Variants in WWC1 observed in about 807,000 individuals in gnomAD.
The protein encoded by WWC1 is protein KIBRA.
A neutral mutation model predicts 138.4 loss-of-function variants in WWC1; 55 were observed. The observed-to-expected ratio is 0.40, with a 90% CI of 0.32 to 0.50. The LOEUF (loss-of-function observed/expected upper bound fraction) is 0.50, where lower values mean the gene tolerates loss of function less well. Among genes scored for constraint, WWC1 ranks in the 20% least tolerant of loss-of-function variants. The pLI, the probability that WWC1 is intolerant of heterozygous loss-of-function variation, is 0.72. For missense variants in WWC1, 1,226 were observed against 1,420.4 expected, an observed-to-expected ratio of 0.86 and a Z score of 2.20; for synonymous variants, 524 against 564.9, an observed-to-expected ratio of 0.93 and a Z score of 1.03.
Position 168,423,871 on chromosome 5 carries a change from CCT to C in WWC1, c.1621_1622del (p.Ser541LeufsTer12), listed in dbSNP as rs775438364. 1.2e-6 allele frequency: 2 copies of C among 1,614,090 alleles called. No homozygotes were observed. Among genetic ancestry groups the C allele is most frequent in the Non-Finnish European group, 1.7e-6 (2 of 1,179,984 alleles). ...TCCATGACCTCCCTATCCCCACGTT[CCT>C]CTCTCTCCTCCCCCTCCCCACCCTG... On this transcript the variant is annotated frameshift_variant, in exon 11 of 23. Transcript: ENST00000265293. LOFTEE classifies it high-confidence loss of function.
chr5:168,447,143 C>G (rs1242113456), intron 17 of WWC1, among the ~76,000 whole-genome samples: 4 of 152,224 alleles, frequency 2.6e-5, no homozygotes, highest in Admixed American at 2.6e-4. Context: ...AAAACAGCCA[C>G]TATGTCATGG....
chr5:168,323,411 G>A (rs533238874), intron 1 of WWC1, among the ~76,000 whole-genome samples: 17 of 152,200 alleles, frequency 1.1e-4, no homozygotes, highest in African/African-American at 4.1e-4. Context: ...AGCCAGGCGT[G>A]GGGTATGTGC....
intron 15 of WWC1, among the ~76,000 whole-genome samples, chr5:168,433,166 TGGTTCTCTGAA>T (rs1782081223): frequency 6.6e-6 from 1 of 152,184 alleles, no homozygotes; most frequent in Non-Finnish European, 1.5e-5. Flanking sequence ...TTCCTGGAGG[TGGTTCTCTGAA>T]GACTAACTAA....
At chr5:168,294,156 C>G (rs891149346) in intron 1 of WWC1, among the ~76,000 whole-genome samples, 1 of 152,062 alleles carries the variant, frequency 6.6e-6, no homozygotes, top group African/African-American at 2.4e-5. Flanking sequence ...AATAGGAGGC[C>G]CCTCTCAACA....
chr5:168,401,363 C>A (rs1312176992), intron 5 of WWC1, among the ~76,000 whole-genome samples: 1 of 152,168 alleles, frequency 6.6e-6, no homozygotes, highest in African/African-American at 2.4e-5. Flanking sequence ...GAGGCCACAC[C>A]TGTATGGATG....
At chr5:168,468,856 A>G (rs953079246) in intron 22 of WWC1, 95 bp from the exon 23 acceptor site, 18 of 1,338,034 alleles carry the variant, frequency 1.3e-5, no homozygotes, top group African/African-American at 2.9e-5. Flanking sequence ...CAGCGAATGT[A>G]TAGGACAGCT....
intron 1 of WWC1, among the ~76,000 whole-genome samples, chr5:168,357,448 C>CTGTGTGTGTGTGTGTGTGTGTG (rs67198550): frequency 1.5e-5 from 2 of 134,470 alleles, no homozygotes; most frequent in Non-Finnish European, 3.1e-5. Flanking sequence ...AACCTGCCTT[C>CTGTGTGTGTGTGTGTGTGTGTG]TGTGTGTGTG....
intron 3 of WWC1, among the ~76,000 whole-genome samples, chr5:168,389,416 A>G (rs1045999091): frequency 6.1e-5 from 9 of 148,628 alleles, no homozygotes; most frequent in African/African-American, 2.0e-4. Flanking sequence ...GCACCACTGC[A>G]CTCCAGCTTG....
chr5:168,316,061 C>A (rs1229208575), intron 1 of WWC1, among the ~76,000 whole-genome samples: 1 of 152,154 alleles, frequency 6.6e-6, no homozygotes, highest in Admixed American at 6.5e-5. Context: ...GCTCAGGCCT[C>A]CCCCCTCTTT....
intron 15 of WWC1, among the ~76,000 whole-genome samples, chr5:168,440,124 C>A (rs1040770965): frequency 1.3e-5 from 2 of 152,024 alleles, no homozygotes; most frequent in African/African-American, 4.8e-5. Flanking sequence ...AAAAATCAAC[C>A]CAATTTGAAA....
intron 3 of WWC1, among the ~76,000 whole-genome samples, chr5:168,395,106 C>A (rs1356386197): frequency 2.0e-5 from 3 of 152,204 alleles, no homozygotes; most frequent in Non-Finnish European, 4.4e-5. Context: ...CGATGCATGC[C>A]TCAAGTCAGC....
rs1443047240 is a variant in WWC1, at chr5:168,470,736, AG to A, written c.*1721del. On this transcript the variant is annotated 3_prime_UTR_variant, in exon 23 of 23. Coordinates refer to ENST00000265293, the MANE Select transcript of WWC1 (RefSeq NM_015238.3). ...GTAATCCCAGCTACTTGGGTGGCCA[AG>A]GCTTGAACCCAGGAGGCGGAGGTTG... The A allele has an allele frequency of 6.6e-6, 1 of 152,008 alleles. No individual in the cohort carries two copies. Among genetic ancestry groups the A allele is most frequent in the African/African-American group, 2.4e-5 (1 of 41,380 alleles). The allele number at this position is 152,008 out of a possible 1,614,324, so 9.4% of individuals were successfully genotyped here.
At chr5:168,453,863 T>G in intron 17 of WWC1, 105 bp from the exon 18 acceptor site, 1 of 1,543,562 alleles carries the variant, frequency 6.5e-7, no homozygotes, top group Middle Eastern at 2.4e-4. Context: ...AAATATATCT[T>G]CAATCATCAA....
At chr5:168,400,126 A>G (rs938251080) in intron 5 of WWC1, among the ~76,000 whole-genome samples, 5 of 149,276 alleles carry the variant, frequency 3.3e-5, no homozygotes, top group Non-Finnish European at 6.0e-5. Context: ...CACCCTTAGA[A>G]GCTGAGCTGT....
intron 1 of WWC1, among the ~76,000 whole-genome samples, chr5:168,317,394 C>T (rs1034256756): frequency 6.6e-6 from 1 of 152,166 alleles, no homozygotes; most frequent in Admixed American, 6.5e-5. Flanking sequence ...GAAGTCCTGC[C>T]TCCTTCCTGG....
At chr5:168,457,414 C>G (rs998124477) in intron 19 of WWC1, among the ~76,000 whole-genome samples, 1 of 152,176 alleles carries the variant, frequency 6.6e-6, no homozygotes, top group African/African-American at 2.4e-5. Context: ...CAGAGACATG[C>G]TGGGGCTGTG....
At chr5:168,397,384 C>G (rs1398389963) in intron 3 of WWC1, among the ~76,000 whole-genome samples, 4 of 152,162 alleles carry the variant, frequency 2.6e-5, no homozygotes, top group Admixed American at 6.5e-5. Flanking sequence ...TTCAGGTGAT[C>G]CCCCTGCCTC....
rs183540187 is a variant in WWC1 at position 168,352,068 on chromosome 5, C to T, written c.120-19356C>T. On this transcript the variant is annotated intron_variant, in intron 1 of 22. Coordinates refer to ENST00000265293, the MANE Select transcript of WWC1 (RefSeq NM_015238.3). ...TCCTTAGAGGTCACTGAGCACCTAC[C>T]TCAAAGGGCGGTCAGGAGCATCCAA... is the stretch of plus-strand genomic sequence containing the variant. Among the ~76,000 whole-genome samples, 478 of 152,294 alleles carry T rather than the reference C, an allele frequency of 3.1e-3. 1 individual carries two copies. Among genetic ancestry groups the T allele is most frequent in the Non-Finnish European group, 5.5e-3 (372 of 68,028 alleles).
At chr5:168,353,670 A>G (rs918709719) in intron 1 of WWC1, among the ~76,000 whole-genome samples, 33 of 152,212 alleles carry the variant, frequency 2.2e-4, no homozygotes, top group Non-Finnish European at 4.6e-4. Context: ...CGTCAGGCCA[A>G]TCAAGCGCTT....
Sources: allele counts gnomAD v4.1 joint callset (sites outside exome capture counted in the v4.1 genomes callset), GRCh38; gene constraint gnomAD v4.1.1; transcripts MANE v1.5; gene names NCBI Gene and HGNC (gene_info 2026-07-23, HGNC 2026-07-21).